Variants in GYG1 observed in about 807,000 individuals in gnomAD.
GYG1 encodes glycogenin 1.
A neutral mutation model predicts 41.9 loss-of-function variants in GYG1; 44 were observed. The ratio of observed to expected loss-of-function variants is 1.05; its 90% CI spans 0.83 to 1.35. The LOEUF is 1.35. GYG1 is among the 40% of genes most tolerant of loss of function. The pLI, the probability that GYG1 is intolerant of heterozygous loss-of-function variation, is 0.00. For missense variants in GYG1, 429 were observed against 418.9 expected, an observed-to-expected ratio of 1.02 and a Z score of -0.21; for synonymous variants, 141 against 158.1, an observed-to-expected ratio of 0.89 and a Z score of 0.81.
At chr3:149,013,868 TCATA>T (rs1170989642) in intron 5 of GYG1, among the ~76,000 whole-genome samples, 1 of 152,206 alleles carries the variant, frequency 6.6e-6, no homozygotes, top group Non-Finnish European at 1.5e-5. Context: ...CTTTTCACAC[TCATA>T]CATATTCACT....
chr3:149,016,236 G>A (rs1269111706), intron 5 of GYG1, among the ~76,000 whole-genome samples: 1 of 143,630 alleles, frequency 7.0e-6, no homozygotes, highest in Non-Finnish European at 1.5e-5. Context: ...TCTCCAGCCT[G>A]GGTGACAGAG....
At chr3:149,008,963 G>C in intron 4 of GYG1, 1 of 300,630 alleles carries the variant, frequency 3.3e-6, no homozygotes, top group Non-Finnish European at 6.3e-6. Flanking sequence ...TTCGAGTCCA[G>C]CCTGGCCAAC....
chr3:148,995,025 C>T (rs775421369), intron 2 of GYG1, among the ~76,000 whole-genome samples: 3 of 152,140 alleles, frequency 2.0e-5, no homozygotes, highest in African/African-American at 4.8e-5. Context: ...ACTAAAAATA[C>T]AAAACCTCAT....
chr3:148,995,418 T>C (rs1341805766), intron 2 of GYG1, among the ~76,000 whole-genome samples: 1 of 152,182 alleles, frequency 6.6e-6, no homozygotes, highest in South Asian at 2.1e-4. Context: ...CTCTAAAAAG[T>C]AGACGTTCTG....
At chr3:149,014,987 T>C (rs1336536469) in intron 5 of GYG1, among the ~76,000 whole-genome samples, 1 of 152,150 alleles carries the variant, frequency 6.6e-6, no homozygotes, top group African/African-American at 2.4e-5. Context: ...AACTTAATTG[T>C]CAATGCTTTA....
At chr3:149,001,549 G>C (rs1473085357) in intron 4 of GYG1, 1 of 152,216 alleles carries the variant, frequency 6.6e-6, no homozygotes, top group African/African-American at 2.4e-5. Flanking sequence ...TTGTATGCTG[G>C]TCATTTTACC....
intron 1 of GYG1, among the ~76,000 whole-genome samples, chr3:148,992,117 GCCGCCCGCCCCGGCC>G (rs1315590445): frequency 6.6e-6 from 1 of 152,112 alleles, no homozygotes; most frequent in Non-Finnish European, 1.5e-5. Flanking sequence ...CGGCTCCTCC[GCCGCCCGCCCCGGCC>G]CCGGCCGCCA....
intron 4 of GYG1, among the ~76,000 whole-genome samples, chr3:149,000,169 A>G (rs1713013340): frequency 6.6e-6 from 1 of 152,236 alleles, no homozygotes; most frequent in African/African-American, 2.4e-5. Context: ...ATGGCAAACC[A>G]TACGAGGTAC....
rs1056015568 is a variant in GYG1, at chr3:149,027,792, T to C, written c.*859T>C. 2.0e-5 allele frequency: 3 copies of C among 152,230 alleles called. No homozygotes were observed. Among genetic ancestry groups the C allele is most frequent in the Non-Finnish European group, 4.4e-5 (3 of 68,042 alleles). The allele number at this position is 152,230 out of a possible 1,614,324, so 9.4% of individuals were successfully genotyped here. Reference sequence around the variant, plus strand: ...AAAACTGGTATCTATGATTTCAATCTAATTGTTTTTCTGTGATGGTGATGG... The same window carrying C: ...AAAACTGGTATCTATGATTTCAATCCAATTGTTTTTCTGTGATGGTGATGG... On this transcript the variant is annotated 3_prime_UTR_variant, in exon 8 of 8. Transcript: ENST00000345003.
At position 148,996,748 on chromosome 3, in the gene GYG1, G is replaced by A; in HGVS notation, c.325G>A (p.Ala109Thr). 6.2e-7 allele frequency: 1 copy of A among 1,613,840 alleles called. No homozygotes were observed. Among genetic ancestry groups the A allele is most frequent in the Non-Finnish European group, 8.5e-7 (1 of 1,179,720 alleles). The change falls in exon 4 of 8, where the codon GCA becomes ACA. Residue 109 changes from alanine (A) to threonine (T), a missense_variant. Transcript: ENST00000345003. ...VFMDADTLVL[A>T]NIDDLFDREE... ...CTTTCTCCCCTTTGATCAGGTCCTA[G>A]CAAATATTGATGATCTTTTTGACAG...
At chr3:149,025,350 C>G (rs546414707) in intron 6 of GYG1, among the ~76,000 whole-genome samples, 1 of 152,298 alleles carries the variant, frequency 6.6e-6, no homozygotes, top group East Asian at 1.9e-4. Context: ...CTATGAGAAT[C>G]TAACCACCTC....
intron 6 of GYG1, 30 bp from the exon 7 acceptor site, chr3:149,026,422 A>G (rs1353843788): frequency 7.0e-7 from 1 of 1,431,168 alleles, no homozygotes; most frequent in Non-Finnish European, 9.9e-7. Flanking sequence ...TTGCCCATCC[A>G]TCTTACACTT....
intron 2 of GYG1, among the ~76,000 whole-genome samples, chr3:148,995,362 T>G (rs770032712): frequency 2.0e-5 from 3 of 152,238 alleles, no homozygotes; most frequent in Admixed American, 6.5e-5. Flanking sequence ...GCCCTTTTTG[T>G]GACTTTTTAT....
chr3:149,006,385 A>G (rs1220602460), intron 4 of GYG1, among the ~76,000 whole-genome samples: 2 of 151,992 alleles, frequency 1.3e-5, no homozygotes, highest in South Asian at 2.1e-4. Flanking sequence ...CTGGCCCATC[A>G]TATTCTTTTA....
chr3:149,014,336 C>T (rs1262973928), intron 5 of GYG1, among the ~76,000 whole-genome samples: 3 of 152,114 alleles, frequency 2.0e-5, no homozygotes, highest in African/African-American at 4.8e-5. Flanking sequence ...GCTTCCATAT[C>T]GGACCCAACC....
At chr3:148,993,707 A>G (rs1712623417) in intron 1 of GYG1, among the ~76,000 whole-genome samples, 1 of 152,226 alleles carries the variant, frequency 6.6e-6, no homozygotes, top group African/African-American at 2.4e-5. Flanking sequence ...AATGAAGAAT[A>G]TGGACTCTGC....
chr3:149,021,658 T>G (rs893086866), intron 5 of GYG1, among the ~76,000 whole-genome samples: 4 of 152,180 alleles, frequency 2.6e-5, no homozygotes, highest in Non-Finnish European at 4.4e-5. Flanking sequence ...ATCACATTAG[T>G]AAAATTTACC....
At chr3:149,006,513 T>C (rs1323252664) in intron 4 of GYG1, among the ~76,000 whole-genome samples, 1 of 152,248 alleles carries the variant, frequency 6.6e-6, no homozygotes, top group African/African-American at 2.4e-5. Flanking sequence ...TATATAACTT[T>C]GTGAGATTGG....
intron 4 of GYG1, chr3:149,003,967 C>T (rs1310993138): frequency 6.6e-6 from 1 of 152,182 alleles, no homozygotes; most frequent in Non-Finnish European, 1.5e-5. Context: ...CAAATAGGCC[C>T]AGTTTCTGAT....
Sources: allele counts gnomAD v4.1 joint callset (sites outside exome capture counted in the v4.1 genomes callset), GRCh38; gene constraint gnomAD v4.1.1; transcripts MANE v1.5; gene names NCBI Gene and HGNC (gene_info 2026-07-23, HGNC 2026-07-21).